Variants in EPHB2 observed in about 807,000 individuals in gnomAD.
The protein encoded by EPHB2 is ephrin type-B receptor 2.
A neutral mutation model predicts 96.4 loss-of-function variants in EPHB2; 18 were observed. The observed-to-expected ratio is 0.19, with a 90% confidence interval of 0.13 to 0.28. EPHB2 has a LOEUF of 0.28. Ranked by LOEUF, EPHB2 falls within the 10% of genes least tolerant of loss-of-function variation. EPHB2 has a pLI of 1.00. For missense variants in EPHB2, 989 were observed against 1,355.4 expected (o/e 0.73, Z 4.25); for synonymous variants, 506 against 534.1 (o/e 0.95, Z 0.72).
chr1:22,811,456 A>G (rs1645000989), intron 3 of EPHB2, among the ~76,000 whole-genome samples: 1 of 152,220 alleles, frequency 6.6e-6, no homozygotes, highest in Non-Finnish European at 1.5e-5. Flanking sequence ...TTTCACTCTC[A>G]GGATGGCTGT....
intron 3 of EPHB2, among the ~76,000 whole-genome samples, chr1:22,823,250 T>G (rs1645177747): frequency 6.6e-6 from 1 of 152,238 alleles, no homozygotes; most frequent in Non-Finnish European, 1.5e-5. Flanking sequence ...AGCTGGCCTA[T>G]GTAGCTAACC....
At chr1:22,877,271 G>T (rs190336945) in intron 5 of EPHB2, among the ~76,000 whole-genome samples, 145 of 152,344 alleles carry the variant, frequency 9.5e-4, no homozygotes, top group African/African-American at 3.4e-3. Context: ...GTGCGTCCAT[G>T]TCCTCATCTG....
chr1:22,849,951 C>T (rs1215707799), intron 3 of EPHB2, among the ~76,000 whole-genome samples: 6 of 152,178 alleles, frequency 3.9e-5, no homozygotes, highest in Admixed American at 6.5e-5. Flanking sequence ...CCGGGGGGTC[C>T]GGGGGTTTGT....
At chr1:22,755,621 C>T (rs774582866) in intron 1 of EPHB2, among the ~76,000 whole-genome samples, 2 of 152,168 alleles carry the variant, frequency 1.3e-5, no homozygotes, top group Non-Finnish European at 2.9e-5. Flanking sequence ...TTTGAATCCT[C>T]GCTCTGCCCT....
intron 6 of EPHB2, among the ~76,000 whole-genome samples, chr1:22,885,808 A>T (rs1639206120): frequency 6.6e-6 from 1 of 152,156 alleles, no homozygotes; most frequent in Non-Finnish European, 1.5e-5. Context: ...TGAAGGTGTG[A>T]CAGCCTGAGG....
chr1:22,891,624 G>A (rs894189976), intron 6 of EPHB2, among the ~76,000 whole-genome samples: 2 of 152,212 alleles, frequency 1.3e-5, no homozygotes, highest in African/African-American at 2.4e-5. Flanking sequence ...CACTGCAGCA[G>A]CTGGATCTTT....
chr1:22,913,790 G>A lies in EPHB2; in HGVS notation c.*220G>A. The A allele has an allele frequency of 6.2e-7, 1 of 1,609,474 alleles. No homozygotes were observed. Among genetic ancestry groups the A allele is most frequent in the Non-Finnish European group, 8.5e-7 (1 of 1,177,862 alleles). On this transcript the variant is annotated 3_prime_UTR_variant, in exon 16 of 16. Coordinates refer to ENST00000374630, the MANE Select transcript of EPHB2 (RefSeq NM_017449.5). The surrounding 1 kb of genome is among the most constrained non-coding windows in gnomAD (Gnocchi z 4.1). ...AATGGGAAAAAAGAAAACAGATCCT[G>A]GGAGGGGGCGGGAAATACAAGGAAT...
At chr1:22,877,894 G>A (rs1570426582) in intron 5 of EPHB2, among the ~76,000 whole-genome samples, 1 of 152,234 alleles carries the variant, frequency 6.6e-6, no homozygotes, top group East Asian at 1.9e-4. Context: ...CAGACCTGCT[G>A]AAGTAGAATC....
chr1:22,751,041 A>G (rs1644054597), intron 1 of EPHB2, among the ~76,000 whole-genome samples: 1 of 152,248 alleles, frequency 6.6e-6, no homozygotes, highest in Admixed American at 6.5e-5. Flanking sequence ...ATTTATTTCC[A>G]TGAAAATAGG....
intron 6 of EPHB2, chr1:22,882,769 A>C: frequency 2.6e-6 from 1 of 391,062 alleles, no homozygotes; most frequent in South Asian, 2.2e-5. Context: ...CCCTACCACG[A>C]CCCTTTCATC....
intron 5 of EPHB2, among the ~76,000 whole-genome samples, chr1:22,866,176 C>T (rs892552814): frequency 6.6e-6 from 1 of 152,174 alleles, no homozygotes; most frequent in African/African-American, 2.4e-5. Flanking sequence ...TCATGGTTGG[C>T]ACTGTGAGTG....
At chr1:22,907,013 G>T in intron 11 of EPHB2, 56 bp downstream of exon 11, 1 of 1,549,980 alleles carries the variant, frequency 6.5e-7, no homozygotes, top group South Asian at 1.3e-5. Flanking sequence ...AAGGAACGAT[G>T]GACATAGCTT....
chr1:22,857,440 G>A (rs1025475295), intron 3 of EPHB2, among the ~76,000 whole-genome samples: 9 of 151,984 alleles, frequency 5.9e-5, no homozygotes, highest in East Asian at 1.9e-4. Flanking sequence ...AAGGGCATTC[G>A]GGCAAAGGGA....
intron 1 of EPHB2, among the ~76,000 whole-genome samples, chr1:22,762,282 T>C (rs570005889): frequency 1.3e-5 from 2 of 152,218 alleles, no homozygotes; most frequent in East Asian, 1.9e-4. Context: ...GAAAATGGAA[T>C]TGGGGCCATA....
chr1:22,730,206 C>G (rs1486534589), intron 1 of EPHB2, among the ~76,000 whole-genome samples: 5 of 152,238 alleles, frequency 3.3e-5, no homozygotes, highest in Admixed American at 2.0e-4. Context: ...GATGAGGCTT[C>G]TAATACTCAG....
At chr1:22,834,189 C>A (rs1645346844) in intron 3 of EPHB2, among the ~76,000 whole-genome samples, 1 of 152,130 alleles carries the variant, frequency 6.6e-6, no homozygotes, top group Admixed American at 6.5e-5. Flanking sequence ...CTAATAAGAG[C>A]CCTGCTCTCA....
intron 4 of EPHB2, among the ~76,000 whole-genome samples, chr1:22,864,316 G>GC (rs34048979): frequency 0.013 from 1,928 of 152,326 alleles, 38 homozygotes; most frequent in African/African-American, 0.042. Context: ...AAAGTGCTGG[G>GC]ATTACAGGTG....
intron 1 of EPHB2, among the ~76,000 whole-genome samples, chr1:22,751,366 C>T (rs556148465): frequency 5.3e-4 from 80 of 152,290 alleles, no homozygotes; most frequent in Non-Finnish European, 7.5e-4. Flanking sequence ...AGAAGTGTCC[C>T]GGTGCTGTAA....
chr1:22,908,068 A>T lies in EPHB2; in HGVS notation c.2252A>T (p.Asn751Ile). 1 of 1,614,240 alleles carries T rather than the reference A, an allele frequency of 6.2e-7. No homozygotes were observed. The highest frequency in any genetic ancestry group is 8.5e-7 in the Non-Finnish European group (1 of 1,180,036). ...GTTCACCGTGACCTGGCTGCCCGCA[A>T]CATCCTCGTCAACAGCAACCTGGTC... ...NYVHRDLAAR[N>I]ILVNSNLVCK... The change falls in exon 12 of 16, where the codon AAC becomes ATC. Residue 751 changes from asparagine to isoleucine, a missense_variant. Asn to Ile is a moderately radical substitution (Grantham distance 149). Coordinates refer to ENST00000374630, the MANE Select transcript of EPHB2 (RefSeq NM_017449.5).
Sources: allele counts gnomAD v4.1 joint callset (sites outside exome capture counted in the v4.1 genomes callset), GRCh38; gene constraint gnomAD v4.1.1; non-coding constraint Gnocchi (gnomAD v3.1); transcripts MANE v1.5; gene names NCBI Gene and HGNC (gene_info 2026-07-23, HGNC 2026-07-21).